RPS6KC1: variants seen among roughly 807,000 people sequenced by gnomAD.
The protein encoded by RPS6KC1 is ribosomal protein S6 kinase C1.
RPS6KC1 carries 54 observed loss-of-function variants against 103.8 expected under a neutral mutation model. The observed-to-expected ratio is 0.52, with a 90% CI of 0.42 to 0.65. The LOEUF is 0.65. Ranked by LOEUF, RPS6KC1 falls within the 30% of genes least tolerant of loss-of-function variation. The pLI is 0.00. For synonymous variants in RPS6KC1, 439 were observed against 438.7 expected (o/e 1.00, Z -0.01); for missense variants, 1,151 against 1,253.8 (o/e 0.92, Z 1.24).
chr1:213,228,721 GTCTCAATAAAAATAAGATAAAACAAAA>G, intron 8 of RPS6KC1, among the ~76,000 whole-genome samples: 1 of 152,004 alleles, frequency 6.6e-6, no homozygotes, highest in East Asian at 1.9e-4. Context: ...GTGAGACCCA[GTCTCAATAAAAATAAGATAAAACAAAA>G]TAAAATAAAA....
chr1:213,673,117 T>C, the RPS6KC1 span, among the ~76,000 whole-genome samples: 1 of 152,174 alleles, frequency 6.6e-6, no homozygotes, highest in Non-Finnish European at 1.5e-5. Flanking sequence ...TGACTCTGAT[T>C]TAGAGCCTCT....
At chr1:213,637,027 T>C in the RPS6KC1 span, among the ~76,000 whole-genome samples, 1 of 152,204 alleles carries the variant, frequency 6.6e-6, no homozygotes, top group Non-Finnish European at 1.5e-5. Flanking sequence ...TCATCATCAC[T>C]GGCCATCAGG....
intron 8 of RPS6KC1, among the ~76,000 whole-genome samples, chr1:213,192,697 C>G (rs1479238094): frequency 6.6e-6 from 1 of 152,044 alleles, no homozygotes; most frequent in African/African-American, 2.4e-5. Context: ...TTTCTCATTT[C>G]AAGTTTATTT....
the RPS6KC1 span, among the ~76,000 whole-genome samples, chr1:213,710,329 G>A: frequency 6.6e-6 from 1 of 152,060 alleles, no homozygotes; most frequent in African/African-American, 2.4e-5. Flanking sequence ...CAGAGCCTAG[G>A]ATTGCAGCCC....
the RPS6KC1 span, among the ~76,000 whole-genome samples, chr1:213,662,713 G>A: frequency 1.3e-5 from 2 of 152,104 alleles, no homozygotes; most frequent in Admixed American, 6.6e-5. Context: ...TCAGCCTCCT[G>A]CTCCCTTTAC....
the RPS6KC1 span, among the ~76,000 whole-genome samples, chr1:213,526,260 G>C: frequency 6.6e-6 from 1 of 152,202 alleles, no homozygotes; most frequent in African/African-American, 2.4e-5. Context: ...TCACCAGAGA[G>C]TCCAGAGGGT....
the RPS6KC1 span, among the ~76,000 whole-genome samples, chr1:213,857,560 T>C: frequency 6.6e-6 from 1 of 152,200 alleles, no homozygotes; most frequent in Non-Finnish European, 1.5e-5. Flanking sequence ...GGGAAAGCAG[T>C]AAATTCCTGT....
At chr1:213,844,942 C>T in the RPS6KC1 span, among the ~76,000 whole-genome samples, 9 of 151,966 alleles carry the variant, frequency 5.9e-5, no homozygotes, top group African/African-American at 2.2e-4. Context: ...CTTTGAGAAC[C>T]CCCCAGCACC....
At chr1:213,180,705 T>C (rs1466562296) in intron 8 of RPS6KC1, among the ~76,000 whole-genome samples, 7 of 152,242 alleles carry the variant, frequency 4.6e-5, no homozygotes, top group African/African-American at 1.7e-4. Flanking sequence ...TGCATTACTA[T>C]TATTTTAATA....
intron 8 of RPS6KC1, among the ~76,000 whole-genome samples, chr1:213,222,310 A>T (rs2093854434): frequency 6.6e-6 from 1 of 152,228 alleles, no homozygotes. Context: ...TTGAAAATGT[A>T]TCCTTGAGAG....
the RPS6KC1 span, among the ~76,000 whole-genome samples, chr1:213,754,128 A>C: frequency 6.6e-6 from 1 of 152,200 alleles, no homozygotes; most frequent in Admixed American, 6.5e-5. Context: ...GAAACAAAAC[A>C]TCATAGACCA....
the RPS6KC1 span, among the ~76,000 whole-genome samples, chr1:213,695,048 C>T: frequency 6.6e-6 from 1 of 152,152 alleles, no homozygotes; most frequent in Non-Finnish European, 1.5e-5. Context: ...GAATCCTCTC[C>T]CTCACGGAAT....
the RPS6KC1 span, among the ~76,000 whole-genome samples, chr1:213,447,213 A>T: frequency 1.3e-5 from 2 of 151,992 alleles, no homozygotes; most frequent in African/African-American, 4.8e-5. Context: ...GACAACAGGC[A>T]CTGCCACCAC....
At chr1:213,192,607 G>T (rs141122351) in intron 8 of RPS6KC1, among the ~76,000 whole-genome samples, 2 of 152,202 alleles carry the variant, frequency 1.3e-5, no homozygotes, top group African/African-American at 2.4e-5. Flanking sequence ...TTGGTAGGTT[G>T]TATGTCTCTA....
chr1:213,321,119 A>G, the RPS6KC1 span, among the ~76,000 whole-genome samples: 2 of 152,212 alleles, frequency 1.3e-5, no homozygotes, highest in Admixed American at 1.3e-4. Context: ...AAAAAAACAA[A>G]AACTCTAATA....
chr1:213,506,437 G>A, the RPS6KC1 span, among the ~76,000 whole-genome samples: 1 of 152,204 alleles, frequency 6.6e-6, no homozygotes, highest in Non-Finnish European at 1.5e-5. Flanking sequence ...CTAAGTATCA[G>A]ACTGTATTCT....
the RPS6KC1 span, among the ~76,000 whole-genome samples, chr1:213,802,235 G>C: frequency 6.6e-6 from 1 of 152,164 alleles, no homozygotes; most frequent in East Asian, 1.9e-4. Flanking sequence ...AACCAGAGAA[G>C]GGTCAAGGAA....
the RPS6KC1 span, among the ~76,000 whole-genome samples, chr1:213,677,234 A>G: frequency 1.3e-4 from 19 of 151,974 alleles, no homozygotes; most frequent in African/African-American, 4.6e-4. Flanking sequence ...TCCCCATTCA[A>G]CTCTCACTCC....
the RPS6KC1 span, among the ~76,000 whole-genome samples, chr1:213,762,484 A>G: frequency 2.0e-5 from 3 of 152,198 alleles, no homozygotes; most frequent in Non-Finnish European, 2.9e-5. Flanking sequence ...TGCATCAAAT[A>G]CTAGTGTAAA....
Sources: allele counts gnomAD v4.1 joint callset (sites outside exome capture counted in the v4.1 genomes callset), GRCh38; gene constraint gnomAD v4.1.1; transcripts MANE v1.5; gene names NCBI Gene and HGNC (gene_info 2026-07-23, HGNC 2026-07-21).